Variants in SRR observed in about 807,000 individuals in gnomAD.
SRR encodes the protein serine racemase, also known as D-serine ammonia-lyase.
A neutral mutation model predicts 32.7 loss-of-function variants in SRR; 19 were observed. The observed-to-expected ratio is 0.58, with a 90% CI of 0.40 to 0.85. The LOEUF (loss-of-function observed/expected upper bound fraction) is 0.85, where lower values mean the gene tolerates loss of function less well. Ranked by LOEUF, SRR falls within the 40% of genes least tolerant of loss-of-function variation. The pLI is 0.00. For missense variants in SRR, 373 were observed against 404.7 expected (o/e 0.92, Z 0.67); for synonymous variants, 142 against 140.9 (o/e 1.01, Z -0.06).
chr17:2,317,572 T>G (rs2075486904), intron 2 of SRR, among the ~76,000 whole-genome samples: 1 of 148,624 alleles, frequency 6.7e-6, no homozygotes, highest in African/African-American at 2.5e-5. Context: ...TAATCCCAGC[T>G]ACTTGGGAGG....
At chr17:2,307,072 G>A (rs1311738758) in intron 1 of SRR, 40 of 1,159,878 alleles carry the variant, frequency 3.4e-5, no homozygotes, top group Non-Finnish European at 5.1e-5. Context: ...CTTAACTATG[G>A]AAAAGATATT....
At chr17:2,311,555 T>C (rs1159016144) in intron 1 of SRR, among the ~76,000 whole-genome samples, 1 of 152,084 alleles carries the variant, frequency 6.6e-6, no homozygotes, top group Non-Finnish European at 1.5e-5. Flanking sequence ...GTGAGAGGAT[T>C]GCCTGAGCCT....
chr17:2,303,485 A>G, upstream of SRR: 1 of 1,329,242 alleles, frequency 7.5e-7, no homozygotes, highest in African/African-American at 1.5e-5. Flanking sequence ...GAGGTAGGGC[A>G]GCGAGGGTCC....
chr17:2,311,587 G>C (rs2075434293), intron 1 of SRR, among the ~76,000 whole-genome samples: 1 of 152,184 alleles, frequency 6.6e-6, no homozygotes, highest in South Asian at 2.1e-4. Flanking sequence ...GTTGCAGTGA[G>C]CTGAGATCAT....
intron 1 of SRR, among the ~76,000 whole-genome samples, chr17:2,308,654 C>A (rs2075411193): frequency 6.6e-6 from 1 of 151,966 alleles, no homozygotes; most frequent in Non-Finnish European, 1.5e-5. Flanking sequence ...GTCAAGAGAT[C>A]AAGACTATCC....
chr17:2,317,491 T>A (rs2075485740), intron 2 of SRR, among the ~76,000 whole-genome samples: 1 of 141,704 alleles, frequency 7.1e-6, no homozygotes, highest in Non-Finnish European at 1.5e-5. Flanking sequence ...CAGCCCGGGC[T>A]ACAACAGAGC....
At chr17:2,321,198 C>A (rs2075525106) in intron 4 of SRR, 108 bp from the exon 5 acceptor site, 5 of 1,341,766 alleles carry the variant, frequency 3.7e-6, no homozygotes, top group East Asian at 4.6e-5. Context: ...AGTACCTGAA[C>A]AAAGTGTGAA....
At chr17:2,303,772 C>T, upstream of SRR, 4 of 1,440,784 alleles carry the variant, frequency 2.8e-6, no homozygotes, top group Non-Finnish European at 3.7e-6. Flanking sequence ...CGCGCGCAGC[C>T]AGGAAACCAC....
At position 2,323,187 on chromosome 17, in the gene SRR, G is replaced by A; in HGVS notation, c.646G>A (p.Asp216Asn). The A allele has an allele frequency of 1.2e-6, 2 of 1,614,180 alleles. No homozygotes were observed. The highest frequency in any genetic ancestry group is 1.3e-5 in the African/African-American group (1 of 75,050). The change falls in exon 7 of 8, where the codon GAC becomes AAC. Residue 216 changes from aspartate to asparagine, a missense_variant. Coordinates refer to ENST00000344595, the MANE Select transcript of SRR (RefSeq NM_021947.3). ...VYAAEPSNAD[D>N]CYQSKLKGKL... ...TGCTGCTGAACCCTCAAATGCAGATGACTGCTACCAGTCCAAGCTGAAGGG... is the reference window on the plus strand; with the variant it reads ...TGCTGCTGAACCCTCAAATGCAGATAACTGCTACCAGTCCAAGCTGAAGGG...
At position 2,323,349 on chromosome 17, in the gene SRR, A is replaced by G. The variant is rs376035038; in HGVS notation, c.804+4A>G. On this transcript the variant is annotated splice_donor_region_variant and intron_variant, in intron 7 of 7. Coordinates refer to ENST00000344595, the MANE Select transcript of SRR (RefSeq NM_021947.3). ...TGTCACAGAGGATGAAATTAAGGTG[A>G]GGCTCCAGCAAGAAAAGAAATAGCA... 14 of 1,613,766 alleles carry G rather than the reference A, an allele frequency of 8.7e-6. No homozygotes were observed. In the African/African-American group the frequency reaches 1.9e-4, roughly 22 times the overall value.
intron 1 of SRR, 80 bp from the exon 2 acceptor site, chr17:2,315,476 TG>T: frequency 1.5e-6 from 2 of 1,366,104 alleles, no homozygotes; most frequent in East Asian, 2.4e-5. Flanking sequence ...AGGTCTATTC[TG>T]TTACGTATTT....
intron 1 of SRR, chr17:2,307,667 C>T (rs1331673793): frequency 7.1e-6 from 7 of 979,380 alleles, no homozygotes; most frequent in Middle Eastern, 3.1e-4. Flanking sequence ...ACCAAGGTGG[C>T]TATGGCGGTT....
intron 1 of SRR, chr17:2,307,411 T>C (rs992955286): frequency 3.6e-5 from 44 of 1,229,576 alleles, no homozygotes; most frequent in Admixed American, 1.4e-4. Context: ...CAACTTTGGT[T>C]GTGAAGGAAA....
At chr17:2,313,013 C>T (rs988972770) in intron 1 of SRR, among the ~76,000 whole-genome samples, 1 of 152,210 alleles carries the variant, frequency 6.6e-6, no homozygotes, top group Non-Finnish European at 1.5e-5. Context: ...GATAATAACA[C>T]ACTCCCGGGC....
chr17:2,324,305 A>G lies in SRR; in HGVS notation c.*432A>G. 1 of 1,562,930 alleles carries G rather than the reference A, an allele frequency of 6.4e-7. No homozygotes were observed. Among genetic ancestry groups the G allele is most frequent in the Non-Finnish European group, 8.6e-7 (1 of 1,158,994 alleles). On this transcript the variant is annotated 3_prime_UTR_variant, in exon 8 of 8. Transcript: ENST00000344595. ...CCATTTGGGGAAGACTCGTTTATAC[A>G]GGTTCATCAGTACTGTGTCTTGAGA...
intron 7 of SRR, 107 bp downstream of exon 7, chr17:2,323,452 C>T (rs1385060530): frequency 4.5e-6 from 6 of 1,328,670 alleles, no homozygotes; most frequent in Admixed American, 3.8e-5. Flanking sequence ...GACTAGGTAA[C>T]TTCATGACAT....
Position 2,312,648 on chromosome 17 carries a change from C to T in SRR, c.-4-2909C>T, listed in dbSNP as rs547539274. On this transcript the variant is annotated intron_variant, in intron 1 of 7. Coordinates refer to ENST00000344595, the MANE Select transcript of SRR (RefSeq NM_021947.3). ...AAATTGACATAAAAATGATATAGGA[C>T]GGATGAAGGAAAAGAGGCATCATTC... Among the ~76,000 whole-genome samples, 15 of 152,116 alleles carry T rather than the reference C, an allele frequency of 9.9e-5. No homozygotes were observed. The East Asian group carries it at 1.7e-3, about 18-fold the overall frequency.
In SRR at chr17:2,323,701, C is replaced by A. The variant is rs1402807953; in HGVS notation, c.851C>A (p.Pro284His). Residue 284 changes from proline to histidine, a missense_variant, in exon 8 of 8, where the codon CCT (proline) becomes CAT (histidine). Pro to His is a moderately conservative substitution (Grantham distance 77). Transcript: ENST00000344595. ...VWERMKLLIEPTAGVGVAAVL... is the reference protein window; with the variant it reads ...VWERMKLLIEHTAGVGVAAVL... The stretch of plus-strand genomic sequence containing the variant: ...GAGAGGATGAAACTACTCATTGAAC[C>A]TACAGCTGGTGTTGGAGTGGCTGCT... 1 of 1,614,064 alleles carries A rather than the reference C, an allele frequency of 6.2e-7. No homozygotes were observed. Among genetic ancestry groups the A allele is most frequent in the African/African-American group, 1.3e-5 (1 of 74,930 alleles).
chr17:2,307,719 T>C (rs1055774068), intron 1 of SRR: 3 of 987,996 alleles, frequency 3.0e-6, no homozygotes, highest in East Asian at 2.4e-5. Context: ...AAGATTTTAA[T>C]TAGGCAACAA....
Sources: allele counts gnomAD v4.1 joint callset (sites outside exome capture counted in the v4.1 genomes callset), GRCh38; gene constraint gnomAD v4.1.1; transcripts MANE v1.5; gene names NCBI Gene and HGNC (gene_info 2026-07-23, HGNC 2026-07-21).